CACNA1A: variants seen among roughly 807,000 people sequenced by gnomAD.
CACNA1A encodes the protein voltage-dependent P/Q-type calcium channel subunit alpha-1A.
Under a neutral mutation model 262.4 loss-of-function variants are expected in CACNA1A, and 57 were observed. That is an observed-to-expected ratio of 0.22 (90% confidence interval 0.18 to 0.27). The LOEUF (loss-of-function observed/expected upper bound fraction) is 0.27. CACNA1A is among the 10% of genes least tolerant of loss of function. CACNA1A has a pLI of 1.00. For synonymous variants in CACNA1A, 1,431 were observed against 1,419.3 expected (o/e 1.01, Z -0.18); for missense variants, 2,526 against 3,562.8 (o/e 0.71, Z 7.41).
rs536022487 is a variant in CACNA1A at position 13,280,953 on chromosome 19, A to AAG, written c.3822+2313_3822+2314insCT. Among the ~76,000 whole-genome samples the AAG allele has an allele frequency of 6.1e-4, 93 of 151,918 alleles. 1 individual carries two copies. In the East Asian group the frequency reaches 0.017, roughly 28 times the overall value. ...AAGACTCCATCTCAAAAAAAAAAAAAAAAAAAAGAATGCCCATCAATCCTG... is the reference window on the plus strand; with the variant it reads ...AAGACTCCATCTCAAAAAAAAAAAAAAGAAAAAAAGAATGCCCATCAATCCTG... On this transcript the variant is annotated intron_variant, in intron 22 of 46. Transcript: ENST00000360228.
At position 13,402,871 on chromosome 19, in the gene CACNA1A, CACATATATATAT is replaced by C. The variant is rs1356808008; in HGVS notation, c.540-31104_540-31093del. The stretch of plus-strand genomic sequence containing the variant: ...ACATATATATATACACACACACACA[CACATATATATAT>C]ATATATATATATATATATATATATA... On this transcript the variant is annotated intron_variant, in intron 3 of 46. Transcript: ENST00000360228. 7.0e-3 allele frequency among the ~76,000 whole-genome samples: 446 copies of C among 64,110 alleles called. 2 individuals are homozygous for C. The East Asian group carries it at 0.07, about 10-fold the overall frequency. 42.1% of individuals were successfully genotyped at this position (64,110 alleles called of 152,430 possible).
At chr19:13,293,266 C>A (rs1354442759) in intron 19 of CACNA1A, among the ~76,000 whole-genome samples, 1 of 151,666 alleles carries the variant, frequency 6.6e-6, no homozygotes, top group Non-Finnish European at 1.5e-5. Context: ...GTCTGTAAAT[C>A]CAGCACTTTG....
In CACNA1A at chr19:13,253,093, C is replaced by T. The variant is rs1294804448; in HGVS notation, c.4764G>A (p.Gly1588=). ...NTIVLMMKFY[G]ASVAYENALR... ...GGGCATTTTCATAAGCAACAGAAGC[C>T]CCATAGAACTAGGGGAAAGAAGCAG... Residue 1588 remains glycine, a synonymous_variant, in exon 30 of 47, where the codon GGG becomes GGA. Coordinates refer to ENST00000360228, the MANE Select transcript of CACNA1A (RefSeq NM_001127222.2). 6.2e-7 allele frequency: 1 copy of T among 1,609,974 alleles called. No individual in the cohort carries two copies. The highest frequency in any genetic ancestry group is 1.1e-5 in the South Asian group (1 of 90,984).
rs1375569922 is a variant in CACNA1A, at chr19:13,299,323, G to C, written c.2310C>G (p.Ala770=). The change falls in exon 19 of 47, where the codon GCC becomes GCG. Residue 770 remains alanine, a synonymous_variant. Transcript: ENST00000360228. ...TGGTCCGCTGCTCCCACACGGACTT[G>C]GCTGGCTTTTGATTCTTCTGTTGCT... is the stretch of plus-strand genomic sequence containing the variant. ...VKEQQKNQKP[A]KSVWEQRTSE... 6.2e-7 allele frequency: 1 copy of C among 1,600,514 alleles called. No individual in the cohort carries two copies. The highest frequency in any genetic ancestry group is 8.5e-7 in the Non-Finnish European group (1 of 1,179,780).
At chr19:13,306,635 G>C (rs1298323359) in intron 15 of CACNA1A, 2 of 152,340 alleles carry the variant, frequency 1.3e-5, no homozygotes, top group East Asian at 3.8e-4. Flanking sequence ...ATTTAGCCCT[G>C]AGCAGGCTTT....
At chr19:13,355,786 T>G (rs2058998028) in intron 6 of CACNA1A, among the ~76,000 whole-genome samples, 1 of 152,120 alleles carries the variant, frequency 6.6e-6, no homozygotes, top group Non-Finnish European at 1.5e-5. Flanking sequence ...TTACTGACAT[T>G]TGGGCCTGGA....
At chr19:13,325,487 C>T (rs1202043156) in intron 10 of CACNA1A, among the ~76,000 whole-genome samples, 2 of 152,186 alleles carry the variant, frequency 1.3e-5, no homozygotes, top group Non-Finnish European at 2.9e-5. Context: ...CTCACTCTAT[C>T]ACCCAGGCTG....
intron 3 of CACNA1A, among the ~76,000 whole-genome samples, chr19:13,404,235 T>C (rs1347305391): frequency 1.3e-5 from 2 of 152,114 alleles, no homozygotes; most frequent in Non-Finnish European, 2.9e-5. Flanking sequence ...AATGCTGCTA[T>C]ATATGTTTCT....
intron 28 of CACNA1A, chr19:13,256,829 G>C (rs925999487): frequency 3.3e-5 from 5 of 152,362 alleles, no homozygotes; most frequent in African/African-American, 9.7e-5. Context: ...CCTTCGCTAG[G>C]GGAGATTGTA....
intron 31 of CACNA1A, among the ~76,000 whole-genome samples, chr19:13,243,385 C>A (rs1343284070): frequency 6.6e-6 from 1 of 152,160 alleles, no homozygotes; most frequent in East Asian, 1.9e-4. Context: ...AGTTCCCCAG[C>A]CCCTCCTGGC....
At chr19:13,377,319 T>G (rs1471521349) in intron 3 of CACNA1A, among the ~76,000 whole-genome samples, 1 of 151,896 alleles carries the variant, frequency 6.6e-6, no homozygotes, top group Admixed American at 6.6e-5. Context: ...ATCCAGGACC[T>G]CTAATGGGCA....
intron 3 of CACNA1A, among the ~76,000 whole-genome samples, chr19:13,422,458 G>A (rs981219166): frequency 2.0e-5 from 3 of 152,200 alleles, no homozygotes; most frequent in Admixed American, 1.3e-4. Flanking sequence ...AGAAAGACTT[G>A]GTGAGATTTA....
At chr19:13,223,468 C>T (rs953098171) in intron 38 of CACNA1A, among the ~76,000 whole-genome samples, 17 of 152,154 alleles carry the variant, frequency 1.1e-4, no homozygotes, top group African/African-American at 3.1e-4. Context: ...AGATTACAGG[C>T]GTGAGCCACC....
chr19:13,369,473 C>G (rs1260929855), intron 4 of CACNA1A, among the ~76,000 whole-genome samples: 1 of 152,164 alleles, frequency 6.6e-6, no homozygotes, highest in South Asian at 2.1e-4. Flanking sequence ...GAACACCCAC[C>G]TAAGTATCCG....
intron 44 of CACNA1A, among the ~76,000 whole-genome samples, chr19:13,210,113 G>T (rs1355490923): frequency 6.6e-6 from 1 of 152,160 alleles, no homozygotes; most frequent in Non-Finnish European, 1.5e-5. Flanking sequence ...GGAGGCTCTG[G>T]GGGCCCACTC....
At chr19:13,397,264 T>C (rs1050985167) in intron 3 of CACNA1A, among the ~76,000 whole-genome samples, 1 of 152,062 alleles carries the variant, frequency 6.6e-6, no homozygotes, top group African/African-American at 2.4e-5. Context: ...GCTCTACTGC[T>C]TTTTTTCAAA....
At chr19:13,233,225 C>T (rs367753033) in intron 34 of CACNA1A, among the ~76,000 whole-genome samples, 5 of 152,126 alleles carry the variant, frequency 3.3e-5, no homozygotes, top group Admixed American at 3.3e-4. Context: ...GCCTGCCCTT[C>T]CCCATATACC....
At chr19:13,235,988 A>G in intron 31 of CACNA1A, 1 of 385,760 alleles carries the variant, frequency 2.6e-6, no homozygotes, top group Non-Finnish European at 4.6e-6. Context: ...TGCCAGCCCC[A>G]CCCACAATGG....
intron 3 of CACNA1A, among the ~76,000 whole-genome samples, chr19:13,397,912 C>T (rs187675785): frequency 2.0e-5 from 3 of 152,268 alleles, no homozygotes; most frequent in Non-Finnish European, 2.9e-5. Context: ...CAATATGGAA[C>T]AAGCCTGGGC....
Sources: allele counts gnomAD v4.1 joint callset (sites outside exome capture counted in the v4.1 genomes callset), GRCh38; gene constraint gnomAD v4.1.1; transcripts MANE v1.5; gene names NCBI Gene and HGNC (gene_info 2026-07-23, HGNC 2026-07-21).